The following CTNND2 variants were observed in gnomAD, a reference collection of about 807,000 sequenced individuals.
CTNND2 encodes the protein catenin delta-2.
In CTNND2, 22 loss-of-function variants were observed where a neutral mutation model predicts 144.4. That is an observed-to-expected ratio of 0.15 (90% confidence interval 0.11 to 0.22). The LOEUF (loss-of-function observed/expected upper bound fraction) is 0.22, where lower values mean the gene tolerates loss of function less well. Ranked by LOEUF, CTNND2 falls within the 10% of genes least tolerant of loss-of-function variation. CTNND2 has a pLI of 1.00. For synonymous variants in CTNND2, 751 were observed against 695.6 expected, an observed-to-expected ratio of 1.08 and a Z score of -1.25; for missense variants, 1,353 against 1,618.8, an observed-to-expected ratio of 0.84 and a Z score of 2.82.
At chr5:11,465,298 T>C (rs1383674641) in intron 3 of CTNND2, among the ~76,000 whole-genome samples, 1 of 144,050 alleles carries the variant, frequency 6.9e-6, no homozygotes, top group Admixed American at 6.7e-5. Flanking sequence ...TATCCAAAAC[T>C]GAACTTTTTT....
In CTNND2 at chr5:11,082,738, G is replaced by A; in HGVS notation, c.2746C>T (p.Leu916=). ...CTGACGTCCAAGGCCATGTTCCGCA[G>A]CGCAGTGGCCACCGCGCACACCACA... is the stretch of plus-strand genomic sequence containing the variant. ...DRVVCAVATA[L]RNMALDVRNK... is the part of the protein sequence containing the mutation. The change falls in exon 16 of 22, where the codon CTG becomes TTG. Residue 916 remains leucine (L), a synonymous_variant. Transcript: ENST00000304623. 2 of 1,614,176 alleles carry A rather than the reference G, an allele frequency of 1.2e-6. No individual in the cohort carries two copies. Among genetic ancestry groups the A allele is most frequent in the Non-Finnish European group, 1.7e-6 (2 of 1,180,034 alleles).
chr5:11,890,707 AC>A (rs1736888415), intron 1 of CTNND2, among the ~76,000 whole-genome samples: 1 of 152,228 alleles, frequency 6.6e-6, no homozygotes, highest in Admixed American at 6.5e-5. Context: ...AGACATGGAA[AC>A]AAACCTGTAA....
intron 9 of CTNND2, among the ~76,000 whole-genome samples, chr5:11,290,143 A>T (rs1017828545): frequency 2.6e-5 from 4 of 152,174 alleles, no homozygotes; most frequent in African/African-American, 9.7e-5. Flanking sequence ...GCATTTTTAC[A>T]TGGTTTTACA....
At chr5:11,590,442 C>A (rs984427117) in intron 2 of CTNND2, among the ~76,000 whole-genome samples, 2 of 152,176 alleles carry the variant, frequency 1.3e-5, no homozygotes, top group African/African-American at 4.8e-5. Context: ...ACACTCCCAG[C>A]ATCAAATCCA....
intron 3 of CTNND2, among the ~76,000 whole-genome samples, chr5:11,453,471 C>T (rs1055619675): frequency 1.3e-5 from 2 of 152,102 alleles, no homozygotes; most frequent in African/African-American, 4.8e-5. Flanking sequence ...TCCATTTTCC[C>T]AAAATAATCC....
chr5:11,585,118 C>G (rs1778743454), intron 2 of CTNND2, among the ~76,000 whole-genome samples: 1 of 152,094 alleles, frequency 6.6e-6, no homozygotes. Flanking sequence ...ATTTCCATAG[C>G]TGGAGGGTGG....
chr5:11,546,290 C>CT (rs5865956), intron 3 of CTNND2, among the ~76,000 whole-genome samples: 129,255 of 151,748 alleles, frequency 0.85, 55,361 homozygotes, highest in African/African-American at 0.92. Flanking sequence ...TCAATAAAGC[C>CT]TTTTTTTTCT....
intron 9 of CTNND2, among the ~76,000 whole-genome samples, chr5:11,261,214 A>G (rs1173705918): frequency 6.6e-6 from 1 of 152,212 alleles, no homozygotes. Context: ...TGACACAGGT[A>G]GCATTAGTGA....
At chr5:11,293,520 A>G (rs1748584022) in intron 9 of CTNND2, among the ~76,000 whole-genome samples, 1 of 152,174 alleles carries the variant, frequency 6.6e-6, no homozygotes, top group Non-Finnish European at 1.5e-5. Context: ...TGTTTCTTTT[A>G]TAATGCAAAC....
chr5:11,198,230 C>T (rs1403027546), intron 11 of CTNND2, among the ~76,000 whole-genome samples: 1 of 152,174 alleles, frequency 6.6e-6, no homozygotes, highest in South Asian at 2.1e-4. Context: ...CATGTCTCCC[C>T]ACATTAGTTT....
At position 11,364,718 on chromosome 5, in the gene CTNND2, G is replaced by A. The variant is rs138883759; in HGVS notation, c.1350C>T (p.Thr450=). 51 of 1,613,350 alleles carry A rather than the reference G, an allele frequency of 3.2e-5. No individual in the cohort carries two copies. The highest frequency in any genetic ancestry group is 1.7e-4 in the Middle Eastern group (1 of 5,888). Residue 450 remains threonine (T), a synonymous_variant, in exon 8 of 22, where the codon ACC becomes ACT. Coordinates refer to ENST00000304623, the MANE Select transcript of CTNND2 (RefSeq NM_001332.4). The part of the protein sequence containing the change: ...SQGDPLPPAH[T]GTYRTSTAPS... ...CACCTGTGCTCGTGCGGTAGGTGCC[G>A]GTGTGTGCTGGCGGCAGAGGGTCCC...
intron 10 of CTNND2, among the ~76,000 whole-genome samples, chr5:11,235,875 ATC>A: frequency 6.6e-6 from 1 of 152,270 alleles, no homozygotes; most frequent in South Asian, 2.1e-4. Flanking sequence ...TTATCTTCAA[ATC>A]TCTCTTTCCA....
chr5:11,709,681 AG>A (rs1322609799), intron 2 of CTNND2, among the ~76,000 whole-genome samples: 1 of 152,228 alleles, frequency 6.6e-6, no homozygotes, highest in Non-Finnish European at 1.5e-5. Context: ...CCATCATTTA[AG>A]AAACGGTAGA....
At chr5:11,452,882 A>G (rs1765419406) in intron 3 of CTNND2, among the ~76,000 whole-genome samples, 1 of 152,230 alleles carries the variant, frequency 6.6e-6, no homozygotes, top group Non-Finnish European at 1.5e-5. Flanking sequence ...ATATATGTAT[A>G]TGACACTGAT....
At chr5:11,061,829 C>T (rs975019592) in intron 16 of CTNND2, among the ~76,000 whole-genome samples, 5 of 152,132 alleles carry the variant, frequency 3.3e-5, no homozygotes, top group African/African-American at 7.2e-5. Flanking sequence ...CTGCCTCAGC[C>T]TCTGGAGTAG....
chr5:11,384,793 C>T lies in CTNND2; in HGVS notation c.1049G>A (p.Ser350Asn), dbSNP rs764658059. Residue 350 changes from serine (S) to asparagine (N), a missense_variant, in exon 7 of 22, where the codon AGC becomes AAC. Ser to Asn is a conservative substitution (Grantham distance 46, BLOSUM62 1). Coordinates refer to ENST00000304623, the MANE Select transcript of CTNND2 (RefSeq NM_001332.4). This position sits in a 1 kb window ranked among gnomAD's most constrained non-coding sequence, Gnocchi z 5.2. ...TISSSPIHQLSSTIGTYATLS... is the reference protein window; with the variant it reads ...TISSSPIHQLNSTIGTYATLS... ...GGTGGCGTACGTGCCGATGGTGGAG[C>T]TCAGCTGGTGGATGGGCGAGGAGGA... is the stretch of plus-strand genomic sequence containing the variant. 4 of 1,613,142 alleles carry T rather than the reference C, an allele frequency of 2.5e-6. No homozygotes were observed. The African/African-American group carries it at 5.3e-5, about 22-fold the overall frequency.
At chr5:11,441,970 TC>T (rs1260173056) in intron 3 of CTNND2, among the ~76,000 whole-genome samples, 1 of 152,246 alleles carries the variant, frequency 6.6e-6, no homozygotes, top group Non-Finnish European at 1.5e-5. Context: ...TCTAATTTTT[TC>T]CAAACTTGTC....
intron 2 of CTNND2, among the ~76,000 whole-genome samples, chr5:11,650,139 G>C (rs574726783): frequency 5.3e-5 from 8 of 152,060 alleles, no homozygotes; most frequent in African/African-American, 1.9e-4. Flanking sequence ...TGGATCGTGG[G>C]GGTGATTTCC....
chr5:11,018,707 CTTT>C (rs35528177), intron 17 of CTNND2, among the ~76,000 whole-genome samples: 4 of 129,602 alleles, frequency 3.1e-5, no homozygotes, highest in Non-Finnish European at 3.3e-5. Flanking sequence ...GGCCCTGACT[CTTT>C]TTTTTTTTTT....
Sources: allele counts gnomAD v4.1 joint callset (sites outside exome capture counted in the v4.1 genomes callset), GRCh38; gene constraint gnomAD v4.1.1; non-coding constraint Gnocchi (gnomAD v3.1); transcripts MANE v1.5; gene names NCBI Gene and HGNC (gene_info 2026-07-23, HGNC 2026-07-21).